SHROOM3: variants seen among roughly 807,000 people sequenced by gnomAD.
SHROOM3 encodes the protein shroom family member 3, also known as protein Shroom3.
Under a neutral mutation model 138.6 loss-of-function variants are expected in SHROOM3, and 47 were observed. The observed-to-expected ratio is 0.34, with a 90% CI of 0.27 to 0.43. The LOEUF is 0.43. Among genes scored for constraint, SHROOM3 ranks in the 20% least tolerant of loss-of-function variants. The pLI, the probability that SHROOM3 is intolerant of heterozygous loss-of-function variation, is 1.00. For synonymous variants in SHROOM3, 1,062 were observed against 1,063.3 expected (o/e 1.00, Z 0.02); for missense variants, 2,491 against 2,596.5 (o/e 0.96, Z 0.88).
At chr4:76,729,973 G>C (rs1720826324) in intron 3 of SHROOM3, among the ~76,000 whole-genome samples, 1 of 152,136 alleles carries the variant, frequency 6.6e-6, no homozygotes, top group East Asian at 1.9e-4. Context: ...TCCCCCTACA[G>C]TCTTACAGTT....
chr4:76,483,299 T>C (rs939943829), intron 1 of SHROOM3, among the ~76,000 whole-genome samples: 3 of 151,964 alleles, frequency 2.0e-5, no homozygotes, highest in Non-Finnish European at 4.4e-5. Context: ...TAAACAAATT[T>C]ATAAGAAAAA....
intron 2 of SHROOM3, among the ~76,000 whole-genome samples, chr4:76,591,547 T>C (rs1435884106): frequency 6.6e-6 from 1 of 150,522 alleles, no homozygotes; most frequent in Non-Finnish European, 1.5e-5. Flanking sequence ...TGCAACACAC[T>C]TGGAATACTT....
intron 2 of SHROOM3, chr4:76,573,443 C>T (rs1251332498): frequency 6.6e-6 from 1 of 151,118 alleles, no homozygotes; most frequent in Non-Finnish European, 1.5e-5. Flanking sequence ...TATTCCTGGC[C>T]AAGTTAAAAG....
intron 1 of SHROOM3, among the ~76,000 whole-genome samples, chr4:76,451,865 A>G (rs556584591): frequency 1.9e-4 from 29 of 152,328 alleles, no homozygotes; most frequent in Non-Finnish European, 3.1e-4. Context: ...GAGTCTCACT[A>G]TGTTGCCCAG....
At chr4:76,450,590 T>C (rs1012988219) in intron 1 of SHROOM3, among the ~76,000 whole-genome samples, 2 of 152,154 alleles carry the variant, frequency 1.3e-5, no homozygotes, top group Non-Finnish European at 1.5e-5. Flanking sequence ...ACTTTGAAAA[T>C]ATTATGCTCA....
chr4:76,471,532 G>A (rs959106052), intron 1 of SHROOM3, among the ~76,000 whole-genome samples: 1 of 152,102 alleles, frequency 6.6e-6, no homozygotes, highest in African/African-American at 2.4e-5. Context: ...ATGAGCCACC[G>A]CGCCCAGCCA....
rs533349620 is a variant in SHROOM3 at position 76,508,549 on chromosome 4, A to C, written c.169-47060A>C. On this transcript the variant is annotated intron_variant, in intron 1 of 10. Transcript: ENST00000296043. ...GATATTCTGGGTCCCTTGAGTTTCC[A>C]TATGAATTTTAAAATCGCTTTTCAG... is the stretch of plus-strand genomic sequence containing the variant. Among the ~76,000 whole-genome samples, 6 of 152,270 alleles carry C rather than the reference A, an allele frequency of 3.9e-5. No individual in the cohort carries two copies. The South Asian group carries it at 1.2e-3, about 32-fold the overall frequency.
intron 2 of SHROOM3, among the ~76,000 whole-genome samples, chr4:76,633,663 AAAAAAAAAAAAAAAAG>A (rs1351416823): frequency 1.4e-5 from 2 of 147,930 alleles, no homozygotes; most frequent in African/African-American, 2.5e-5. Context: ...TCTCAAAAAA[AAAAAAAAAAAAAAAAG>A]AAAAGAAATT....
chr4:76,569,809 T>C (rs1487896191), intron 2 of SHROOM3, among the ~76,000 whole-genome samples: 10 of 152,076 alleles, frequency 6.6e-5, no homozygotes, highest in Non-Finnish European at 8.8e-5. Flanking sequence ...TAAGACTGTC[T>C]TGAGGGAAGC....
rs368445271 is a variant in SHROOM3, at chr4:76,555,671, G to C, written c.231G>C (p.Val77=). The change falls in exon 2 of 11, where the codon GTG becomes GTC. Residue 77 remains valine (V), a synonymous_variant. Transcript: ENST00000296043. ...SSKLQAGDEV[V]HINEVTLSSS... ...AACTGCAGGCTGGGGATGAGGTTGTGCACATCAATGAGGTGACTCTGAGCA... is the reference window on the plus strand; with the variant it reads ...AACTGCAGGCTGGGGATGAGGTTGTCCACATCAATGAGGTGACTCTGAGCA... The C allele has an allele frequency of 6.2e-7, 1 of 1,613,992 alleles. No individual in the cohort carries two copies. Among genetic ancestry groups the C allele is most frequent in the Non-Finnish European group, 8.5e-7 (1 of 1,180,020 alleles).
chr4:76,561,904 G>A (rs569424243), intron 2 of SHROOM3, among the ~76,000 whole-genome samples: 2 of 151,914 alleles, frequency 1.3e-5, no homozygotes, highest in Non-Finnish European at 2.9e-5. Context: ...CCAGCTACTC[G>A]GGAGGCTGAA....
chr4:76,569,699 G>GTT (rs111300353), intron 2 of SHROOM3, among the ~76,000 whole-genome samples: 23,676 of 147,420 alleles, frequency 0.16, 1,993 homozygotes, highest in East Asian at 0.29. Flanking sequence ...TCCTATGACA[G>GTT]TTTTTTTTTT....
chr4:76,510,397 TTC>T (rs1267592918), intron 1 of SHROOM3, among the ~76,000 whole-genome samples: 1 of 152,208 alleles, frequency 6.6e-6, no homozygotes, highest in Non-Finnish European at 1.5e-5. Flanking sequence ...TGAGTTTGAG[TTC>T]TCTCTCTGCC....
intron 1 of SHROOM3, among the ~76,000 whole-genome samples, chr4:76,449,880 A>G (rs1730890491): frequency 6.6e-6 from 1 of 152,248 alleles, no homozygotes; most frequent in Non-Finnish European, 1.5e-5. Context: ...AGCAGTCTGA[A>G]CTGTGAATAA....
rs1720750756 is a variant in SHROOM3 at position 76,727,655 on chromosome 4, CA to C, written c.456-3146del. ...CTGTAATTCCAGCACCTTGGGAGGC[CA>C]AAGTGGGCAGATCACAAGGTCAGGA... is the stretch of plus-strand genomic sequence containing the variant. On this transcript the variant is annotated intron_variant, in intron 3 of 10. Coordinates refer to ENST00000296043, the MANE Select transcript of SHROOM3 (RefSeq NM_020859.4). Among the ~76,000 whole-genome samples, 2 of 152,032 alleles carry C rather than the reference CA, an allele frequency of 1.3e-5. 1 individual carries two copies. The highest frequency in any genetic ancestry group is 4.2e-4 in the South Asian group (2 of 4,810).
At chr4:76,575,675 C>A (rs565948001) in intron 2 of SHROOM3, 7 of 152,180 alleles carry the variant, frequency 4.6e-5, no homozygotes, top group African/African-American at 1.7e-4. Context: ...AAAAAGTAAT[C>A]CCATTTACAA....
chr4:76,605,544 TA>T (rs1253002029), intron 2 of SHROOM3, among the ~76,000 whole-genome samples: 14 of 152,188 alleles, frequency 9.2e-5, no homozygotes, highest in African/African-American at 2.6e-4. Flanking sequence ...GAAATTAAAA[TA>T]ATCCTATTTA....
At chr4:76,533,442 A>G (rs556701392) in intron 1 of SHROOM3, among the ~76,000 whole-genome samples, 3 of 152,202 alleles carry the variant, frequency 2.0e-5, no homozygotes, top group East Asian at 1.9e-4. Context: ...ATCAAGAACC[A>G]TTGCTCTCAT....
At position 76,436,143 on chromosome 4, in the gene SHROOM3, T is replaced by A; in HGVS notation, c.91T>A (p.Phe31Ile). ...GGGAAGGTACATTTATCTGGAGGCA[T>A]TCCTGGAGGGAGGAGCTCCCTGGGG... Reference protein sequence around the residue: ...TKGRYIYLEAFLEGGAPWGFT... With the variant: ...TKGRYIYLEAILEGGAPWGFT... Residue 31 changes from phenylalanine to isoleucine, a missense_variant, in exon 1 of 11, where the codon TTC (phenylalanine) becomes ATC (isoleucine). Phe to Ile is a conservative substitution (Grantham distance 21). Around this residue, in one of 4 missense-constraint regions of SHROOM3, gnomAD observed 284 missense variants for 322.8 expected, o/e 0.88. Coordinates refer to ENST00000296043, the MANE Select transcript of SHROOM3 (RefSeq NM_020859.4). 2 of 1,614,082 alleles carry A rather than the reference T, an allele frequency of 1.2e-6. No individual in the cohort carries two copies. Among genetic ancestry groups the A allele is most frequent in the Non-Finnish European group, 1.7e-6 (2 of 1,179,942 alleles).
Sources: allele counts gnomAD v4.1 joint callset (sites outside exome capture counted in the v4.1 genomes callset), GRCh38; gene constraint gnomAD v4.1.1; regional missense constraint gnomAD v4.1.1; transcripts MANE v1.5; gene names NCBI Gene and HGNC (gene_info 2026-07-23, HGNC 2026-07-21).